Variants in MYBPHL observed in about 807,000 individuals in gnomAD.
MYBPHL encodes the protein myosin binding protein H like.
Under a neutral mutation model 39.5 loss-of-function variants are expected in MYBPHL, and 32 were observed. The ratio of observed to expected loss-of-function variants is 0.81; its 90% CI spans 0.61 to 1.09. The LOEUF (loss-of-function observed/expected upper bound fraction) is 1.09, where lower values mean the gene tolerates loss of function less well. Among genes scored for constraint, MYBPHL ranks in the 50% least tolerant of loss-of-function variants. The probability of loss-of-function intolerance (pLI) is 0.00; values close to 1 mark genes in which losing one functional copy is unlikely to be tolerated. For missense variants in MYBPHL, 456 were observed against 460.2 expected, an observed-to-expected ratio of 0.99 and a Z score of 0.08; for synonymous variants, 196 against 183.7, an observed-to-expected ratio of 1.07 and a Z score of -0.54.
At chr1:109,292,692 G>A (rs1342910217) in intron 8 of MYBPHL, 104 bp from the exon 9 acceptor site, 2 of 152,268 alleles carry the variant, frequency 1.3e-5, no homozygotes, top group Non-Finnish European at 2.9e-5. Context: ...CTGTCGGAGA[G>A]CGCTTTCCTG....
At chr1:109,298,033 C>G (rs1658146766) in intron 2 of MYBPHL, 136 bp downstream of exon 2, 1 of 738,074 alleles carries the variant, frequency 1.4e-6, no homozygotes, top group Admixed American at 3.1e-5. Flanking sequence ...TGGCCTCAGA[C>G]TTCTGGTGGT....
chr1:109,293,075 T>C (rs1657922450), intron 8 of MYBPHL: 1 of 152,202 alleles, frequency 6.6e-6, no homozygotes, highest in Admixed American at 6.5e-5. Flanking sequence ...AAGGAATCCA[T>C]AAGCTTCAAA....
rs1252427866 is a variant in MYBPHL, at chr1:109,297,120, G to A, written c.500C>T (p.Thr167Ile). The A allele has an allele frequency of 6.2e-7, 1 of 1,614,138 alleles. No homozygotes were observed. Among genetic ancestry groups the A allele is most frequent in the East Asian group, 2.2e-5 (1 of 44,866 alleles). The part of the protein sequence containing the change: ...VWGFSATLEW[T>I]PPQDTGNTAL... ...TGTATTCCCCGTATCTTGGGGCGGT[G>A]TCCATTCCAGTGTAGCGCTGAAGCC... Residue 167 changes from threonine (T) to isoleucine (I), a missense_variant, in exon 4 of 9, where the codon ACA becomes ATA. Physicochemically the swap from Thr to Ile is moderately conservative, Grantham distance 89. Coordinates refer to ENST00000357155, the MANE Select transcript of MYBPHL (RefSeq NM_001010985.3).
In MYBPHL at chr1:109,302,135, GGTGTGTGTAT is replaced by G. The variant is rs1389022711; in HGVS notation, c.146-3888_146-3879del. On this transcript the variant is annotated intron_variant, in intron 1 of 8. Transcript: ENST00000357155. ...GGTGTGTTTACGTGTGTCTGTGAAT[GGTGTGTGTAT>G]GTGTGTGTATGAGAGTGTGTGTGTG... 4.0e-5 allele frequency among the ~76,000 whole-genome samples: 6 copies of G among 151,868 alleles called. No homozygotes were observed. The South Asian group carries it at 1.0e-3, about 26-fold the overall frequency.
At chr1:109,305,048 C>T (rs999205540) in intron 1 of MYBPHL, among the ~76,000 whole-genome samples, 2 of 152,094 alleles carry the variant, frequency 1.3e-5, no homozygotes, top group African/African-American at 4.8e-5. Flanking sequence ...ATGCATTGCA[C>T]CCTGAAGGAT....
intron 7 of MYBPHL, 127 bp downstream of exon 7, chr1:109,294,984 T>G: frequency 1.3e-6 from 1 of 747,400 alleles, no homozygotes; most frequent in East Asian, 2.7e-5. Context: ...ATGATGACAG[T>G]GATGAAAGAG....
chr1:109,295,431 TG>T (rs1658027257), intron 6 of MYBPHL, 134 bp from the exon 7 acceptor site: 1 of 740,538 alleles, frequency 1.4e-6, no homozygotes, highest in Non-Finnish European at 2.0e-6. Context: ...CCTTATGTTG[TG>T]GGAAGGGTTT....
intron 8 of MYBPHL, among the ~76,000 whole-genome samples, chr1:109,293,540 G>A (rs773613922): frequency 1.3e-5 from 2 of 151,216 alleles, no homozygotes; most frequent in African/African-American, 2.4e-5. Flanking sequence ...TCAGGAGATC[G>A]AGACCATCCT....
intron 1 of MYBPHL, among the ~76,000 whole-genome samples, chr1:109,304,583 T>C (rs940143079): frequency 1.1e-4 from 16 of 152,156 alleles, no homozygotes; most frequent in Admixed American, 1.0e-3. Flanking sequence ...CAGGATCTCC[T>C]ATGGGAGCAG....
intron 1 of MYBPHL, among the ~76,000 whole-genome samples, chr1:109,298,594 C>G (rs1352632301): frequency 1.3e-5 from 2 of 152,168 alleles, no homozygotes; most frequent in Non-Finnish European, 2.9e-5. Flanking sequence ...TGTGTACAGA[C>G]CAGCCTGGTC....
intron 1 of MYBPHL, among the ~76,000 whole-genome samples, chr1:109,299,947 G>A (rs932030091): frequency 3.9e-5 from 6 of 152,220 alleles, no homozygotes; most frequent in African/African-American, 7.2e-5. Context: ...GAAGACGGGC[G>A]GATATGACTT....
chr1:109,293,921 G>A (rs1228476324), intron 8 of MYBPHL, among the ~76,000 whole-genome samples: 1 of 151,644 alleles, frequency 6.6e-6, no homozygotes, highest in East Asian at 1.9e-4. Flanking sequence ...AAAATTAGCC[G>A]GGCATGGTGG....
In MYBPHL at chr1:109,296,247, C is replaced by G. The variant is rs143483325; in HGVS notation, c.854G>C (p.Arg285Pro). 8 of 1,613,516 alleles carry G rather than the reference C, an allele frequency of 5.0e-6. No homozygotes were observed. The highest frequency in any genetic ancestry group is 2.2e-5 in the East Asian group (1 of 44,878). ...GYNTQLFCCV[R>P]ASPRPKIIWL... is the part of the protein sequence containing the mutation. ...GCCCCCACTCACCCGGGGAGAGGCG[C>G]GGACACAGCAGAAGAGCTGGGTATT... is the stretch of plus-strand genomic sequence containing the variant. The change falls in exon 6 of 9, where the codon CGC becomes CCC. Residue 285 changes from arginine (R) to proline (P), a missense_variant. Physicochemically the swap from Arg to Pro is moderately radical, Grantham distance 103 (BLOSUM62 -2). Coordinates refer to ENST00000357155, the MANE Select transcript of MYBPHL (RefSeq NM_001010985.3).
chr1:109,303,954 C>T (rs1327221179), intron 1 of MYBPHL, among the ~76,000 whole-genome samples: 4 of 152,194 alleles, frequency 2.6e-5, no homozygotes, highest in African/African-American at 9.7e-5. Context: ...CCCCAAATAT[C>T]TGCATGCATT....
intron 3 of MYBPHL, 116 bp from the exon 4 acceptor site, chr1:109,297,305 T>TCC (rs1336310376): frequency 1.7e-5 from 27 of 1,567,162 alleles, no homozygotes; most frequent in Non-Finnish European, 2.2e-5. Flanking sequence ...CCACCCTGTG[T>TCC]CCCAGACATG....
At position 109,302,809 on chromosome 1, in the gene MYBPHL, A is replaced by T. The variant is rs573946753; in HGVS notation, c.145+4038T>A. Among the ~76,000 whole-genome samples the T allele has an allele frequency of 4.9e-4, 75 of 152,308 alleles. 1 individual carries two copies. Among genetic ancestry groups the T allele is most frequent in the African/African-American group, 1.6e-3 (66 of 41,568 alleles). ...ACAGAGATGGCTAACTGGCCAAAAA[A>T]AATGTATGTTACCCCTTCCGTAGCG... On this transcript the variant is annotated intron_variant, in intron 1 of 8. Transcript: ENST00000357155.
chr1:109,303,945 C>G (rs1386997439), intron 1 of MYBPHL, among the ~76,000 whole-genome samples: 2 of 150,942 alleles, frequency 1.3e-5, no homozygotes, highest in African/African-American at 4.9e-5. Flanking sequence ...AAAATATTCC[C>G]CCAAATATCT....
At position 109,297,532 on chromosome 1, in the gene MYBPHL, T is replaced by A. The variant is rs764867024; in HGVS notation, c.320A>T (p.Asp107Val). The change falls in exon 3 of 9, where the codon GAC becomes GTC. Residue 107 changes from aspartate to valine, a missense_variant. By Grantham distance (152) the Asp-to-Val change is radical. Coordinates refer to ENST00000357155, the MANE Select transcript of MYBPHL (RefSeq NM_001010985.3). ...GGCTTCTCGGATGAAGAGGATGGAGTCTTGCTCCCCATTCCGCACACTCAC... is the reference window on the plus strand; with the variant it reads ...GGCTTCTCGGATGAAGAGGATGGAGACTTGCTCCCCATTCCGCACACTCAC... ...RRVSVRNGEQ[D>V]SILFIREAQR... is the part of the protein sequence containing the mutation. 8 of 1,613,642 alleles carry A rather than the reference T, an allele frequency of 5.0e-6. No individual in the cohort carries two copies. Among genetic ancestry groups the A allele is most frequent in the Non-Finnish European group, 6.8e-6 (8 of 1,179,990 alleles).
At chr1:109,296,098 A>T in intron 6 of MYBPHL, 136 bp downstream of exon 6, 1 of 1,097,576 alleles carries the variant, frequency 9.1e-7, no homozygotes, top group Non-Finnish European at 1.3e-6. Flanking sequence ...CTGTTCCTAA[A>T]TACCGTGCTG....
Sources: allele counts gnomAD v4.1 joint callset (sites outside exome capture counted in the v4.1 genomes callset), GRCh38; gene constraint gnomAD v4.1.1; transcripts MANE v1.5; gene names NCBI Gene and HGNC (gene_info 2026-07-23, HGNC 2026-07-21).